The following ADCY2 variants were observed in gnomAD, a reference collection of about 807,000 sequenced individuals.
ADCY2 encodes adenylate cyclase 2, also known as adenylate cyclase type 2.
ADCY2 carries 31 observed loss-of-function variants against 125.2 expected under a neutral mutation model. That is an observed-to-expected ratio of 0.25 (90% CI 0.19 to 0.33). ADCY2 has a LOEUF of 0.33. ADCY2 is among the 10% of genes least tolerant of loss of function. ADCY2 has a pLI of 1.00. For synonymous variants in ADCY2, 512 were observed against 548.4 expected (o/e 0.93, Z 0.93); for missense variants, 904 against 1,418.2 (o/e 0.64, Z 5.82).
At chr5:7,772,589 G>C (rs1345284683) in intron 17 of ADCY2, among the ~76,000 whole-genome samples, 2 of 152,154 alleles carry the variant, frequency 1.3e-5, no homozygotes, top group Non-Finnish European at 2.9e-5. Context: ...TGTATAGGAG[G>C]CCACAGTGTT....
At chr5:7,615,039 G>T (rs926409376) in intron 3 of ADCY2, among the ~76,000 whole-genome samples, 1 of 152,178 alleles carries the variant, frequency 6.6e-6, no homozygotes, top group Non-Finnish European at 1.5e-5. Flanking sequence ...GGCAAAGGGG[G>T]AGCAGGCACA....
At chr5:7,599,914 T>C (rs1005594420) in intron 3 of ADCY2, among the ~76,000 whole-genome samples, 1 of 152,168 alleles carries the variant, frequency 6.6e-6, no homozygotes, top group South Asian at 2.1e-4. Context: ...AAGGTTGTCA[T>C]TGACTTCATC....
At chr5:7,461,324 G>C (rs1399043906) in intron 2 of ADCY2, among the ~76,000 whole-genome samples, 1 of 152,190 alleles carries the variant, frequency 6.6e-6, no homozygotes, top group Admixed American at 6.5e-5. Context: ...AGAAGGGAAG[G>C]ATTAATACTG....
intron 22 of ADCY2, among the ~76,000 whole-genome samples, chr5:7,806,812 T>C (rs1744774595): frequency 6.6e-6 from 1 of 152,246 alleles, no homozygotes; most frequent in African/African-American, 2.4e-5. Flanking sequence ...TCCACAGCAG[T>C]ATCTTTATTT....
intron 2 of ADCY2, among the ~76,000 whole-genome samples, chr5:7,480,235 C>CCATTCGACTCAG (rs78350739): frequency 0.096 from 14,569 of 152,114 alleles, 1,098 homozygotes; most frequent in African/African-American, 0.18. Flanking sequence ...GACAGAAATA[C>CCATTCGACTCAG]CAATCTCATT....
At chr5:7,704,736 G>A (rs1206609383) in intron 7 of ADCY2, among the ~76,000 whole-genome samples, 2 of 152,038 alleles carry the variant, frequency 1.3e-5, no homozygotes, top group African/African-American at 4.8e-5. Context: ...AAATTAGCTG[G>A]GCGGTTTGGC....
chr5:7,514,781 T>C (rs541974942), intron 2 of ADCY2, among the ~76,000 whole-genome samples: 11 of 152,328 alleles, frequency 7.2e-5, no homozygotes, highest in East Asian at 1.9e-4. Context: ...AGCAAGGCCA[T>C]GTAAGATGGC....
Position 7,396,372 on chromosome 5 carries a change from C to A in ADCY2, c.76C>A (p.Leu26Met), listed in dbSNP as rs1158406968. ...GGAGGCGGCGGGCGGCGGAGACGGG[C>A]TGCCGCGGTCCCGGGACTGGCTCTA... is the stretch of plus-strand genomic sequence containing the variant. ...SEEAAGGGDG[L>M]PRSRDWLYES... The change falls in exon 1 of 25, where the codon CTG (leucine) becomes ATG (methionine). Residue 26 changes from leucine to methionine, a missense_variant. Leu to Met is a conservative substitution (Grantham distance 15, BLOSUM62 2). Around this residue, in one of 7 missense-constraint regions of ADCY2, gnomAD observed 113 missense variants for 108.0 expected, o/e 1.05. Transcript: ENST00000338316. This position sits in a 1 kb window ranked among gnomAD's most constrained non-coding sequence, Gnocchi z 5.7. 1.9e-6 allele frequency: 3 copies of A among 1,556,834 alleles called. No individual in the cohort carries two copies. Among genetic ancestry groups the A allele is most frequent in the African/African-American group, 2.8e-5 (2 of 70,280 alleles).
intron 4 of ADCY2, among the ~76,000 whole-genome samples, chr5:7,635,826 A>G (rs1738481146): frequency 6.6e-6 from 1 of 152,118 alleles, no homozygotes. Flanking sequence ...TATATAGATG[A>G]TTTGTTTTTT....
intron 3 of ADCY2, among the ~76,000 whole-genome samples, chr5:7,539,837 T>G (rs917832980): frequency 1.3e-5 from 2 of 152,260 alleles, no homozygotes; most frequent in Non-Finnish European, 2.9e-5. Context: ...GTGTTCGGGC[T>G]TGGCCCATGG....
intron 1 of ADCY2, among the ~76,000 whole-genome samples, chr5:7,406,610 G>A (rs62343722): frequency 0.051 from 7,780 of 152,192 alleles, 305 homozygotes; most frequent in Middle Eastern, 0.11. Flanking sequence ...AATCTTCCCC[G>A]GGAGGTCCTT....
chr5:7,820,725 C>A (rs530279269), intron 24 of ADCY2, 36 bp downstream of exon 24: 1 of 1,597,508 alleles, frequency 6.3e-7, no homozygotes, highest in African/African-American at 1.3e-5. Context: ...CCTGCATCAA[C>A]CATGTCTGTT....
chr5:7,712,828 C>A, intron 10 of ADCY2, 28 bp from the exon 11 acceptor site: 1 of 1,539,836 alleles, frequency 6.5e-7, no homozygotes, highest in Non-Finnish European at 8.9e-7. Flanking sequence ...CATGTTTTGA[C>A]AATTAATAAC....
At chr5:7,548,363 A>C (rs904216875) in intron 3 of ADCY2, among the ~76,000 whole-genome samples, 1 of 152,012 alleles carries the variant, frequency 6.6e-6, no homozygotes, top group African/African-American at 2.4e-5. Flanking sequence ...AATTGTGTGT[A>C]TATATAGGAG....
At chr5:7,776,394 G>A (rs935513536) in intron 18 of ADCY2, among the ~76,000 whole-genome samples, 5 of 151,988 alleles carry the variant, frequency 3.3e-5, no homozygotes, top group East Asian at 1.9e-4. Context: ...GTCTCTGGGC[G>A]CCACATTCTT....
chr5:7,820,447 T>C (rs1450194601), intron 23 of ADCY2, 118 bp from the exon 24 acceptor site: 3 of 1,317,552 alleles, frequency 2.3e-6, no homozygotes, highest in East Asian at 5.6e-5. Flanking sequence ...TCAGCCAAGA[T>C]TGCGCCACTG....
intron 3 of ADCY2, among the ~76,000 whole-genome samples, chr5:7,529,690 C>T (rs990346883): frequency 6.6e-6 from 1 of 152,216 alleles, no homozygotes; most frequent in African/African-American, 2.4e-5. Context: ...ACATTGGCTT[C>T]CTGGCCATTG....
At chr5:7,588,093 A>G (rs950398038) in intron 3 of ADCY2, among the ~76,000 whole-genome samples, 8 of 152,194 alleles carry the variant, frequency 5.3e-5, no homozygotes, top group African/African-American at 1.4e-4. Context: ...CAAGAAAATT[A>G]AGAAAAGTAA....
intron 2 of ADCY2, among the ~76,000 whole-genome samples, chr5:7,512,785 A>C (rs543261764): frequency 8.5e-5 from 13 of 152,266 alleles, no homozygotes; most frequent in Non-Finnish European, 1.8e-4. Flanking sequence ...CCCCATGTGA[A>C]GTTCTGTGAA....
Sources: gnomAD v4.1 joint callset for allele counts (sites outside exome capture counted in the v4.1 genomes callset) on GRCh38, gnomAD v4.1.1 for gene constraint, gnomAD v4.1.1 regional missense constraint, Gnocchi (gnomAD v3.1) non-coding constraint, MANE v1.5 for transcripts, NCBI Gene and HGNC (gene_info 2026-07-23, HGNC 2026-07-21) for gene names.